The following ESR1 variants were observed in gnomAD, a reference collection of about 807,000 sequenced individuals.
The protein encoded by ESR1 is estrogen receptor.
ESR1 carries 12 observed loss-of-function variants against 52.7 expected under a neutral mutation model. The observed-to-expected ratio is 0.23, with a 90% CI of 0.15 to 0.37. The LOEUF (loss-of-function observed/expected upper bound fraction) is 0.37, where lower values mean the gene tolerates loss of function less well. Ranked by LOEUF, ESR1 falls within the 10% of genes least tolerant of loss-of-function variation. ESR1 has a pLI of 1.00. For synonymous variants in ESR1, 305 were observed against 316.8 expected, an observed-to-expected ratio of 0.96 and a Z score of 0.39; for missense variants, 584 against 779.7, an observed-to-expected ratio of 0.75 and a Z score of 2.99.
At chr6:151,663,468 C>T (rs1205675638) in intron 1 of ESR1, among the ~76,000 whole-genome samples, 1 of 152,212 alleles carries the variant, frequency 6.6e-6, no homozygotes, top group Non-Finnish European at 1.5e-5. Flanking sequence ...CTTAGAAGGG[C>T]TGGCACCTTT....
intron 3 of ESR1, among the ~76,000 whole-genome samples, chr6:151,922,857 A>G (rs1340627894): frequency 6.6e-6 from 1 of 152,180 alleles, no homozygotes; most frequent in Admixed American, 6.5e-5. Flanking sequence ...AAATATTTCT[A>G]TTTGTAACCA....
intron 2 of ESR1, among the ~76,000 whole-genome samples, chr6:151,756,474 C>T (rs899293725): frequency 1.5e-4 from 23 of 152,278 alleles, no homozygotes; most frequent in African/African-American, 5.3e-4. Context: ...TCTCCAACTC[C>T]TGACCTTGGC....
intron 1 of ESR1, among the ~76,000 whole-genome samples, chr6:151,828,714 G>T (rs559854679): frequency 9.2e-5 from 14 of 152,304 alleles, no homozygotes; most frequent in African/African-American, 2.9e-4. Flanking sequence ...TAGAATTGCT[G>T]CCTTGGTAGG....
rs146297002 is a variant in ESR1, at chr6:151,661,059, C to T, written n.73+4296C>T. On this transcript the variant is annotated intron_variant and non_coding_transcript_variant, in intron 1 of 2. Coordinates refer to the ESR1 transcript ENST00000473497. The stretch of plus-strand genomic sequence containing the variant: ...GATAAAAGAGTGAGTGCAATAGACA[C>T]AAAACAAAATAGGAGATGTGTCTCA... Among the ~76,000 whole-genome samples the T allele has an allele frequency of 6.4e-3, 970 of 152,058 alleles. 15 individuals are homozygous for T. The highest frequency in any genetic ancestry group is 0.059 in the South Asian group (283 of 4,808).
intron 3 of ESR1, among the ~76,000 whole-genome samples, chr6:151,894,931 T>C (rs1222011043): frequency 2.0e-5 from 3 of 152,042 alleles, no homozygotes; most frequent in African/African-American, 4.8e-5. Context: ...AGAATGATGG[T>C]GGTATTTTGA....
intron 6 of ESR1, among the ~76,000 whole-genome samples, chr6:152,123,680 T>C (rs9383964): frequency 0.08 from 12,155 of 152,202 alleles, 752 homozygotes; most frequent in East Asian, 0.31. Flanking sequence ...CTCAGACCCA[T>C]ACAACATTGA....
At chr6:151,660,147 T>C (rs928487545) in intron 1 of ESR1, among the ~76,000 whole-genome samples, 4 of 152,214 alleles carry the variant, frequency 2.6e-5, no homozygotes, top group Non-Finnish European at 4.4e-5. Context: ...ATCCTTTCTA[T>C]AGGAAAATGT....
At chr6:151,705,705 G>A (rs1780137901) in intron 2 of ESR1, among the ~76,000 whole-genome samples, 2 of 152,020 alleles carry the variant, frequency 1.3e-5, no homozygotes, top group South Asian at 4.1e-4. Context: ...TTATCTTGTT[G>A]CTTTAATCTT....
chr6:151,743,853 G>A (rs926681), intron 2 of ESR1, among the ~76,000 whole-genome samples: 4,323 of 152,046 alleles, frequency 0.028, 193 homozygotes, highest in African/African-American at 0.097. Context: ...CTTTCACCAC[G>A]AATTAATCGT....
chr6:152,072,641 G>T (rs1005466286), intron 6 of ESR1, among the ~76,000 whole-genome samples: 4 of 152,224 alleles, frequency 2.6e-5, no homozygotes, highest in African/African-American at 9.6e-5. Flanking sequence ...ACCAAGTGCT[G>T]TCTACTCTCC....
At chr6:151,922,817 G>A (rs1292965041) in intron 3 of ESR1, among the ~76,000 whole-genome samples, 1 of 151,844 alleles carries the variant, frequency 6.6e-6, no homozygotes, top group Non-Finnish European at 1.5e-5. Flanking sequence ...ATATGTGTGT[G>A]TACCAACCTA....
intron 6 of ESR1, among the ~76,000 whole-genome samples, chr6:152,123,488 T>C (rs1289313425): frequency 6.6e-6 from 1 of 152,216 alleles, no homozygotes; most frequent in African/African-American, 2.4e-5. Flanking sequence ...AAACAGTGCA[T>C]TAGAGATTGA....
At chr6:151,754,834 T>C (rs1162110229) in intron 2 of ESR1, among the ~76,000 whole-genome samples, 1 of 152,218 alleles carries the variant, frequency 6.6e-6, no homozygotes, top group Admixed American at 6.5e-5. Flanking sequence ...CCCTTTCTCC[T>C]TGAACTCTAG....
At chr6:151,823,442 A>G (rs894288928) in intron 1 of ESR1, among the ~76,000 whole-genome samples, 1 of 152,122 alleles carries the variant, frequency 6.6e-6, no homozygotes, top group Non-Finnish European at 1.5e-5. Flanking sequence ...TGAAATGACT[A>G]TTATTTGTTT....
chr6:151,961,595 G>A (rs2128599322), intron 4 of ESR1, among the ~76,000 whole-genome samples: 1 of 152,272 alleles, frequency 6.6e-6, no homozygotes, highest in African/African-American at 2.4e-5. Flanking sequence ...TGTCCTCACA[G>A]AGGAGGACAG....
rs1478477200 is a variant in ESR1 at position 152,061,472 on chromosome 6, C to T, written c.1369+348C>T. Among the ~76,000 whole-genome samples the T allele has an allele frequency of 6.6e-6, 1 of 152,108 alleles. No individual in the cohort carries two copies. The highest frequency in any genetic ancestry group is 2.4e-5 in the African/African-American group (1 of 41,418). On this transcript the variant is annotated intron_variant, in intron 6 of 7. Transcript: ENST00000206249. The surrounding 1 kb of genome is among the most constrained non-coding windows in gnomAD (Gnocchi z 4.3). ...CTGAAAATAAGTAGACCAAGTAATT[C>T]TGTTAAGAAATTGTGACCAATTCCA...
At chr6:152,041,553 G>A (rs926222599) in intron 5 of ESR1, among the ~76,000 whole-genome samples, 1 of 152,208 alleles carries the variant, frequency 6.6e-6, no homozygotes, top group African/African-American at 2.4e-5. Context: ...TGAGGTAGAA[G>A]TTCCCTAAAT....
chr6:151,686,064 A>ATTTTT (rs557270210), upstream of ESR1, among the ~76,000 whole-genome samples: 954 of 114,084 alleles, frequency 8.4e-3, no homozygotes, highest in Non-Finnish European at 9.6e-3. Context: ...AATTAAAACA[A>ATTTTT]TTTTTTTTTT....
At chr6:151,670,295 G>T (rs1330780739) in intron 1 of ESR1, among the ~76,000 whole-genome samples, 1 of 152,118 alleles carries the variant, frequency 6.6e-6, no homozygotes. Context: ...TGACCGTCAG[G>T]TCCAAAGTAG....
Sources: allele counts gnomAD v4.1 joint callset (sites outside exome capture counted in the v4.1 genomes callset), GRCh38; gene constraint gnomAD v4.1.1; non-coding constraint Gnocchi (gnomAD v3.1); transcripts MANE v1.5; gene names NCBI Gene and HGNC (gene_info 2026-07-23, HGNC 2026-07-21).